CAST: variants seen among roughly 807,000 people sequenced by gnomAD.
CAST encodes the protein calpastatin, also known as MIR583 host.
In CAST, 76 loss-of-function variants were observed where a neutral mutation model predicts 119.6. The ratio of observed to expected loss-of-function variants is 0.64; its 90% CI spans 0.53 to 0.77. The LOEUF is 0.77. Ranked by LOEUF, CAST falls within the 30% of genes least tolerant of loss-of-function variation. CAST has a pLI of 0.00. For synonymous variants in CAST, 319 were observed against 331.6 expected, an observed-to-expected ratio of 0.96 and a Z score of 0.41; for missense variants, 953 against 946.5, an observed-to-expected ratio of 1.01 and a Z score of -0.09.
At chr5:96,730,757 A>C (rs781162406) in intron 8 of CAST, 23 bp from the exon 9 acceptor site, 20 of 1,583,670 alleles carry the variant, frequency 1.3e-5, no homozygotes, top group Non-Finnish European at 1.5e-5. Flanking sequence ...AGCTCTGTCA[A>C]CCTTTTATCC....
At chr5:95,989,183 G>A in the CAST span, among the ~76,000 whole-genome samples, 2 of 152,218 alleles carry the variant, frequency 1.3e-5, no homozygotes, top group African/African-American at 4.8e-5. Flanking sequence ...AAACAAGGAA[G>A]GTAGTTGTTC....
At chr5:96,221,315 G>C in the CAST span, among the ~76,000 whole-genome samples, 1 of 152,076 alleles carries the variant, frequency 6.6e-6, no homozygotes, top group Non-Finnish European at 1.5e-5. Context: ...TTGGAAAAGA[G>C]GAAGTAAAAT....
At chr5:96,748,697 G>A (rs1327975013) in intron 19 of CAST, 84 bp downstream of exon 19, 4 of 681,754 alleles carry the variant, frequency 5.9e-6, no homozygotes, top group Admixed American at 2.6e-5. Flanking sequence ...TTAGCATCAA[G>A]CAGTCTGTTA....
intron 1 of CAST, among the ~76,000 whole-genome samples, chr5:96,578,365 C>T (rs1023617790): frequency 6.7e-6 from 1 of 150,124 alleles, no homozygotes; most frequent in Non-Finnish European, 1.5e-5. Context: ...AGCATATGCT[C>T]AACTGTATGC....
the CAST span, among the ~76,000 whole-genome samples, chr5:96,233,390 A>G: frequency 6.6e-6 from 1 of 152,104 alleles, no homozygotes; most frequent in South Asian, 2.1e-4. Flanking sequence ...GGAAGCAAAA[A>G]TGGAGTAATA....
chr5:96,354,191 T>A, the CAST span, among the ~76,000 whole-genome samples: 1 of 152,218 alleles, frequency 6.6e-6, no homozygotes, highest in Non-Finnish European at 1.5e-5. Flanking sequence ...GAGCCCCTGC[T>A]CATTTTCCCC....
chr5:96,713,645 A>G (rs1756638075), intron 3 of CAST, among the ~76,000 whole-genome samples: 2 of 152,174 alleles, frequency 1.3e-5, no homozygotes, highest in African/African-American at 2.4e-5. Context: ...TTTGAGGAAG[A>G]TAAGCAAGAT....
chr5:96,365,912 C>A, the CAST span, among the ~76,000 whole-genome samples: 1 of 152,200 alleles, frequency 6.6e-6, no homozygotes, highest in Non-Finnish European at 1.5e-5. Flanking sequence ...GATGCAGTTT[C>A]TTCCTACCTT....
chr5:96,521,884 C>A (rs940809652), upstream of CAST, among the ~76,000 whole-genome samples: 1 of 152,082 alleles, frequency 6.6e-6, no homozygotes, highest in Non-Finnish European at 1.5e-5. Flanking sequence ...TTTGGGAGGC[C>A]GAGGCAGGCA....
chr5:96,471,477 A>G, the CAST span, among the ~76,000 whole-genome samples: 1 of 152,186 alleles, frequency 6.6e-6, no homozygotes, highest in African/African-American at 2.4e-5. Flanking sequence ...TCGCATTTTT[A>G]TGTAAAAACG....
the CAST span, among the ~76,000 whole-genome samples, chr5:96,285,353 AG>A: frequency 2.0e-5 from 3 of 152,242 alleles, no homozygotes; most frequent in African/African-American, 7.2e-5. Flanking sequence ...TTACTAAAAA[AG>A]CTTTATAAAC....
At chr5:96,291,305 A>C in the CAST span, among the ~76,000 whole-genome samples, 1 of 152,230 alleles carries the variant, frequency 6.6e-6, no homozygotes, top group Admixed American at 6.5e-5. Context: ...TAGATAGCTA[A>C]TACACAAGCA....
chr5:96,519,499 T>C, the CAST span, among the ~76,000 whole-genome samples: 2 of 152,220 alleles, frequency 1.3e-5, no homozygotes, highest in African/African-American at 4.8e-5. Flanking sequence ...GTTTTCCTTT[T>C]CATTTTCCTT....
At chr5:96,659,664 G>C (rs1173204939), upstream of CAST, among the ~76,000 whole-genome samples, 1 of 152,136 alleles carries the variant, frequency 6.6e-6, no homozygotes, top group Non-Finnish European at 1.5e-5. Flanking sequence ...GAGTAGCTGG[G>C]ATTACAGGTG....
intron 2 of CAST, among the ~76,000 whole-genome samples, chr5:96,681,320 T>TTC (rs1423454930): frequency 6.6e-6 from 1 of 152,240 alleles, no homozygotes; most frequent in East Asian, 1.9e-4. Context: ...CTTCGTGGTT[T>TTC]TCTGGCTTTT....
intron 26 of CAST, among the ~76,000 whole-genome samples, chr5:96,765,664 C>G (rs1025011832): frequency 6.6e-6 from 1 of 152,060 alleles, no homozygotes; most frequent in East Asian, 1.9e-4. Context: ...GTAAATGTGA[C>G]CTCTCTAAAT....
the CAST span, among the ~76,000 whole-genome samples, chr5:96,460,851 AT>A: frequency 6.6e-6 from 1 of 152,148 alleles, no homozygotes; most frequent in African/African-American, 2.4e-5. Context: ...TAGACCACAA[AT>A]TTTTTAGATA....
At chr5:96,284,484 C>T in the CAST span, among the ~76,000 whole-genome samples, 1 of 152,142 alleles carries the variant, frequency 6.6e-6, no homozygotes, top group South Asian at 2.1e-4. Flanking sequence ...ACGGTGGGCT[C>T]TATTTTGGGG....
At chr5:96,251,245 G>T in the CAST span, among the ~76,000 whole-genome samples, 1 of 152,184 alleles carries the variant, frequency 6.6e-6, no homozygotes, top group African/African-American at 2.4e-5. Context: ...TCTTCATAAG[G>T]ATGTGATTTA....
Sources: allele counts gnomAD v4.1 joint callset (sites outside exome capture counted in the v4.1 genomes callset), GRCh38; gene constraint gnomAD v4.1.1; transcripts MANE v1.5; gene names NCBI Gene and HGNC (gene_info 2026-07-23, HGNC 2026-07-21).